CNTN4: variants seen among roughly 807,000 people sequenced by gnomAD.
CNTN4 encodes contactin 4.
Under a neutral mutation model 122.5 loss-of-function variants are expected in CNTN4, and 77 were observed. That is an observed-to-expected ratio of 0.63 (90% CI 0.52 to 0.76). The LOEUF is 0.76. CNTN4 is among the 30% of genes least tolerant of loss of function. The pLI is 0.00. For missense variants in CNTN4, 1,256 were observed against 1,259.1 expected, an observed-to-expected ratio of 1.00 and a Z score of 0.04; for synonymous variants, 512 against 447.0, an observed-to-expected ratio of 1.15 and a Z score of -1.83.
intron 3 of CNTN4, among the ~76,000 whole-genome samples, chr3:2,452,840 C>A (rs376255308): frequency 1.4e-4 from 21 of 152,126 alleles, no homozygotes; most frequent in East Asian, 7.7e-4. Context: ...AATATCAAAG[C>A]CCAGCTTGTT....
Position 2,758,416 on chromosome 3 carries a change from G to A in CNTN4, c.358+12719G>A, listed in dbSNP as rs1452256260. Among the ~76,000 whole-genome samples the A allele has an allele frequency of 2.0e-5, 3 of 151,660 alleles. No homozygotes were observed. In the South Asian group the frequency reaches 6.2e-4, roughly 32 times the overall value. ...AACAAAGAAATAGAATATTCTATTA[G>A]GAAGAGCCCTCCAATAAAGGTGCAT... On this transcript the variant is annotated intron_variant, in intron 6 of 24. Transcript: ENST00000418658.
At chr3:2,204,502 T>A (rs1212563245) in intron 2 of CNTN4, among the ~76,000 whole-genome samples, 2 of 152,234 alleles carry the variant, frequency 1.3e-5, no homozygotes, top group Non-Finnish European at 2.9e-5. Context: ...CTACTTGTTT[T>A]ATTGGTTAAG....
chr3:2,280,119 A>AT (rs1262199276), intron 2 of CNTN4, among the ~76,000 whole-genome samples: 1 of 151,856 alleles, frequency 6.6e-6, no homozygotes, highest in Admixed American at 6.6e-5. Context: ...ACATGCATTT[A>AT]TTTTTTTATT....
chr3:2,183,593 C>T (rs576174422), intron 2 of CNTN4, among the ~76,000 whole-genome samples: 2 of 152,136 alleles, frequency 1.3e-5, no homozygotes, highest in African/African-American at 4.8e-5. Context: ...CTCTGTTAGG[C>T]GAGAGACAAT....
At chr3:2,780,067 AC>A (rs1161805272) in intron 6 of CNTN4, among the ~76,000 whole-genome samples, 4 of 152,244 alleles carry the variant, frequency 2.6e-5, no homozygotes, top group African/African-American at 9.6e-5. Flanking sequence ...GTAATGGGCA[AC>A]ATGTGATCAA....
intron 2 of CNTN4, among the ~76,000 whole-genome samples, chr3:2,196,330 C>T (rs1008088706): frequency 6.6e-6 from 1 of 151,982 alleles, no homozygotes; most frequent in African/African-American, 2.4e-5. Flanking sequence ...TTCTGTGAAC[C>T]CTACTGTGAA....
At chr3:2,680,091 G>A (rs1296877317) in intron 4 of CNTN4, among the ~76,000 whole-genome samples, 2 of 152,168 alleles carry the variant, frequency 1.3e-5, no homozygotes, top group Non-Finnish European at 2.9e-5. Flanking sequence ...GTAAGGGATG[G>A]TTGGGTGAAA....
intron 3 of CNTN4, among the ~76,000 whole-genome samples, chr3:2,506,437 G>A (rs2076733094): frequency 6.6e-6 from 1 of 152,100 alleles, no homozygotes; most frequent in Non-Finnish European, 1.5e-5. Context: ...ATGATGTAGG[G>A]GATACCATAT....
chr3:2,485,179 A>C (rs2076117644), intron 3 of CNTN4, among the ~76,000 whole-genome samples: 1 of 152,224 alleles, frequency 6.6e-6, no homozygotes, highest in African/African-American at 2.4e-5. Flanking sequence ...CCTGCCATGC[A>C]GAGCCTCTCC....
chr3:2,772,250 G>A (rs2091134124), intron 6 of CNTN4, among the ~76,000 whole-genome samples: 1 of 151,974 alleles, frequency 6.6e-6, no homozygotes, highest in South Asian at 2.1e-4. Context: ...ACCAGCATCT[G>A]GAAAAACAGG....
chr3:2,960,215 C>T (rs190673028), intron 13 of CNTN4, among the ~76,000 whole-genome samples: 3 of 152,222 alleles, frequency 2.0e-5, no homozygotes, highest in African/African-American at 7.2e-5. Flanking sequence ...AAACTTTTGT[C>T]AAGGTGTACA....
At chr3:2,723,638 A>G (rs182159409) in intron 4 of CNTN4, among the ~76,000 whole-genome samples, 6 of 152,300 alleles carry the variant, frequency 3.9e-5, no homozygotes, top group Admixed American at 2.0e-4. Context: ...TTCATGAGGG[A>G]GGAGTCCTCA....
rs2086966189 is a variant in CNTN4, at chr3:2,709,364, A to G, written c.56-26851A>G. ...GGGTCCTTAAAAAATACTGATGCGTAGGTCTCACGCCTGGTTAGGATTTGA... is the reference window on the plus strand; with the variant it reads ...GGGTCCTTAAAAAATACTGATGCGTGGGTCTCACGCCTGGTTAGGATTTGA... On this transcript the variant is annotated intron_variant, in intron 4 of 24. Transcript: ENST00000418658. This position sits in a 1 kb window ranked among gnomAD's most constrained non-coding sequence, Gnocchi z 5.0. Among the ~76,000 whole-genome samples the G allele has an allele frequency of 1.3e-5, 2 of 152,142 alleles. No homozygotes were observed. The highest frequency in any genetic ancestry group is 4.1e-4 in the South Asian group (2 of 4,830).
intron 4 of CNTN4, among the ~76,000 whole-genome samples, chr3:2,666,030 T>C (rs1220095692): frequency 1.3e-5 from 2 of 152,220 alleles, no homozygotes; most frequent in Non-Finnish European, 2.9e-5. Context: ...GGCGAAGATA[T>C]CTGACCCTTA....
At position 3,057,205 on chromosome 3, in the gene CNTN4, A is replaced by G. The variant is rs1048827945; in HGVS notation, c.*985A>G. ...TTCTTTACAAAATTTCTTATATATA[A>G]TATGTGTATCTCTGTAATAATAGAG... On this transcript the variant is annotated 3_prime_UTR_variant, in exon 25 of 25. Coordinates refer to ENST00000418658, the MANE Select transcript of CNTN4 (RefSeq NM_175607.3). The G allele has an allele frequency of 1.3e-5, 2 of 152,550 alleles. No homozygotes were observed. The highest frequency in any genetic ancestry group is 4.8e-5 in the African/African-American group (2 of 41,444). The allele number at this position is 152,550 out of a possible 1,614,324, so 9.4% of individuals were successfully genotyped here.
At chr3:2,367,944 C>G (rs2045464999) in intron 3 of CNTN4, among the ~76,000 whole-genome samples, 1 of 151,438 alleles carries the variant, frequency 6.6e-6, no homozygotes, top group Non-Finnish European at 1.5e-5. Flanking sequence ...GAGCTTACCT[C>G]TACATTTATT....
chr3:2,756,389 GGTGGCA>G (rs1348769079), intron 6 of CNTN4, among the ~76,000 whole-genome samples: 3 of 152,154 alleles, frequency 2.0e-5, no homozygotes, highest in African/African-American at 7.2e-5. Context: ...TGAGTGAGAA[GGTGGCA>G]GTCAGTGAAA....
intron 2 of CNTN4, among the ~76,000 whole-genome samples, chr3:2,228,375 G>A (rs2039364676): frequency 6.6e-6 from 1 of 152,084 alleles, no homozygotes; most frequent in Admixed American, 6.5e-5. Context: ...AAACTTTATT[G>A]GGACACAGTC....
chr3:2,633,007 A>G (rs2082509817), intron 4 of CNTN4, among the ~76,000 whole-genome samples: 1 of 148,792 alleles, frequency 6.7e-6, no homozygotes. Flanking sequence ...CATTTATATA[A>G]TATCTATTTA....
Sources: gnomAD v4.1 joint callset for allele counts (sites outside exome capture counted in the v4.1 genomes callset) on GRCh38, gnomAD v4.1.1 for gene constraint, Gnocchi (gnomAD v3.1) non-coding constraint, MANE v1.5 for transcripts, NCBI Gene and HGNC (gene_info 2026-07-23, HGNC 2026-07-21) for gene names.